Variants in MACF1 observed in about 807,000 individuals in gnomAD.
The protein encoded by MACF1 is microtubule actin crosslinking factor 1, also known as microtubule-actin cross-linking factor 1.
A neutral mutation model predicts 854.8 loss-of-function variants in MACF1; 193 were observed. That is an observed-to-expected ratio of 0.23 (90% CI 0.20 to 0.25). The LOEUF (loss-of-function observed/expected upper bound fraction) is 0.25. Among genes scored for constraint, MACF1 ranks in the 10% least tolerant of loss-of-function variants. MACF1 has a pLI of 1.00. For synonymous variants in MACF1, 3,185 were observed against 3,226.7 expected, an observed-to-expected ratio of 0.99 and a Z score of 0.44; for missense variants, 7,722 against 8,929.1, an observed-to-expected ratio of 0.86 and a Z score of 5.45.
intron 2 of MACF1, among the ~76,000 whole-genome samples, chr1:39,192,970 G>T (rs1467666389): frequency 6.6e-6 from 1 of 152,070 alleles, no homozygotes; most frequent in Non-Finnish European, 1.5e-5. Context: ...AAATTAGACG[G>T]GCATGGTGGC....
chr1:39,341,190 C>A (rs1646928678), intron 40 of MACF1, among the ~76,000 whole-genome samples: 1 of 151,538 alleles, frequency 6.6e-6, no homozygotes, highest in Admixed American at 6.6e-5. Flanking sequence ...CCTACCTCCA[C>A]GCCCGGCTCA....
intron 40 of MACF1, among the ~76,000 whole-genome samples, chr1:39,345,081 G>A (rs1009550930): frequency 3.3e-5 from 5 of 152,092 alleles, no homozygotes; most frequent in Non-Finnish European, 5.9e-5. Flanking sequence ...CTGTTCTGCA[G>A]GATTGACTAC....
chr1:39,348,975 A>C (rs1200778647), intron 41 of MACF1, among the ~76,000 whole-genome samples: 1 of 152,124 alleles, frequency 6.6e-6, no homozygotes, highest in South Asian at 2.1e-4. Context: ...GATTGATGAG[A>C]CATTTGATTT....
Position 39,303,218 on chromosome 1 carries a change from T to A in MACF1, c.2789+140T>A, listed in dbSNP as rs534688200. The A allele has an allele frequency of 3.3e-6, 3 of 899,428 alleles. No homozygotes were observed. In the Admixed American group the frequency reaches 8.6e-5, roughly 26 times the overall value. 55.7% of individuals were successfully genotyped at this position (899,428 alleles called of 1,614,324 possible). ...TGGGAGAGGCTTCTCATTGGAGATA[T>A]CAAGTCTCCTACTACCAGCCACATA... On this transcript the variant is annotated intron_variant, in intron 23 of 100. Transcript: ENST00000564288.
intron 95 of MACF1, 48 bp downstream of exon 95, chr1:39,465,160 G>A: frequency 6.3e-7 from 1 of 1,580,084 alleles, no homozygotes; most frequent in East Asian, 2.2e-5. Flanking sequence ...TATGGTCTGT[G>A]TAGCTAATGC....
chr1:39,099,353 C>T (rs1186591205), intron 2 of MACF1, among the ~76,000 whole-genome samples: 1 of 152,206 alleles, frequency 6.6e-6, no homozygotes, highest in African/African-American at 2.4e-5. Flanking sequence ...GACGCGGTTT[C>T]ACCATATTGG....
chr1:39,343,098 TAAGAG>T (rs1321301683), intron 40 of MACF1, among the ~76,000 whole-genome samples: 2 of 152,116 alleles, frequency 1.3e-5, no homozygotes, highest in African/African-American at 2.4e-5. Context: ...TATTAGTCAA[TAAGAG>T]AAAAGACCAT....
At position 39,453,833 on chromosome 1, in the gene MACF1, C is replaced by A. The variant is rs767194617; in HGVS notation, c.20869C>A (p.Arg6957=). 3 of 1,614,068 alleles carry A rather than the reference C, an allele frequency of 1.9e-6. No individual in the cohort carries two copies. The African/African-American group carries it at 4.0e-5, about 22-fold the overall frequency. The change falls in exon 88 of 101, where the codon CGA becomes AGA. Residue 6957 remains arginine, a synonymous_variant. Transcript: ENST00000564288. The part of the protein sequence containing the change: ...TTIKHWITII[R]ARFEEVLTWA... Reference sequence around the variant, plus strand: ...CATCAAACACTGGATCACCATCATCCGAGCTCGCTTCGAGGAGGTGAGTCC... The same window carrying A: ...CATCAAACACTGGATCACCATCATCAGAGCTCGCTTCGAGGAGGTGAGTCC...
intron 18 of MACF1, 22 bp downstream of exon 18, chr1:39,293,641 G>T (rs141520393): frequency 3.7e-6 from 6 of 1,600,666 alleles, no homozygotes; most frequent in South Asian, 2.2e-5. Context: ...ACAGTAGCAG[G>T]CCTGTCATAC....
chr1:39,098,759 G>C (rs996963399), intron 2 of MACF1, among the ~76,000 whole-genome samples: 2 of 152,192 alleles, frequency 1.3e-5, no homozygotes, highest in African/African-American at 4.8e-5. Flanking sequence ...CTGGTGGCAG[G>C]GATCTTGTCT....
chr1:39,102,635 G>A (rs1445855345), intron 2 of MACF1: 1 of 629,970 alleles, frequency 1.6e-6, no homozygotes, highest in East Asian at 2.7e-5. Flanking sequence ...ATTTGATGAG[G>A]CTTTAATTGG....
chr1:39,434,641 C>T lies in MACF1; in HGVS notation c.17784+9C>T, dbSNP rs773603120. ...AACAAGAGGAAATGAGGGTAAGGAG[C>T]ATGCCAAGTTTCATTTTATTGTTCT... On this transcript the variant is annotated intron_variant, in intron 69 of 100. Transcript: ENST00000564288. 2.5e-6 allele frequency: 4 copies of T among 1,609,644 alleles called. No homozygotes were observed. The East Asian group carries it at 8.9e-5, about 36-fold the overall frequency.
chr1:39,475,574 C>A (rs1016358653), intron 97 of MACF1, among the ~76,000 whole-genome samples: 5 of 151,828 alleles, frequency 3.3e-5, no homozygotes, highest in African/African-American at 1.2e-4. Context: ...GCTACAGTTA[C>A]CCAGTGGGGA....
At chr1:39,381,875 A>G in intron 55 of MACF1, 78 bp from the exon 56 acceptor site, 1 of 974,248 alleles carries the variant, frequency 1.0e-6, no homozygotes, top group East Asian at 2.4e-5. Context: ...TTCCTGCAGT[A>G]TATTAGGAAC....
chr1:39,436,184 A>G (rs938041101), intron 70 of MACF1, among the ~76,000 whole-genome samples: 7 of 152,238 alleles, frequency 4.6e-5, no homozygotes, highest in Admixed American at 6.5e-5. Flanking sequence ...TGCTTGAGTA[A>G]GGAGTAGTAA....
intron 74 of MACF1, 70 bp from the exon 75 acceptor site, chr1:39,441,882 C>G: frequency 1.6e-5 from 18 of 1,116,668 alleles, no homozygotes; most frequent in Non-Finnish European, 2.2e-5. Context: ...CTTATGTTAG[C>G]AGAGATAATG....
Position 39,291,894 on chromosome 1 carries a change from A to G in MACF1, c.1786-16A>G. 1 of 1,609,514 alleles carries G rather than the reference A, an allele frequency of 6.2e-7. No homozygotes were observed. The highest frequency in any genetic ancestry group is 1.1e-5 in the South Asian group (1 of 90,822). On this transcript the variant is annotated splice_polypyrimidine_tract_variant and intron_variant, in intron 15 of 100. Coordinates refer to ENST00000564288, the MANE Select transcript of MACF1 (RefSeq NM_001394062.1). ...CAGCAGTAAATTATGTCATATATAT[A>G]TTTTTTCTTTTTCAGATGAAACTGG... is the stretch of plus-strand genomic sequence containing the variant.
At chr1:39,361,770 A>G (rs547553135) in intron 49 of MACF1, 93 bp downstream of exon 49, 3 of 1,192,386 alleles carry the variant, frequency 2.5e-6, no homozygotes, top group African/African-American at 1.5e-5. Context: ...ATCAGTCAGT[A>G]TACTGGAAAC....
Position 39,247,713 on chromosome 1 carries a change from G to A in MACF1, c.172-2301G>A, listed in dbSNP as rs369834638. 3.3e-5 allele frequency among the ~76,000 whole-genome samples: 5 copies of A among 152,256 alleles called. 1 individual carries two copies. Among genetic ancestry groups the A allele is most frequent in the Admixed American group, 2.6e-4 (4 of 15,288 alleles). On this transcript the variant is annotated intron_variant, in intron 2 of 100. Coordinates refer to ENST00000564288, the MANE Select transcript of MACF1 (RefSeq NM_001394062.1). Reference sequence around the variant, plus strand: ...TTGTTTAGACTTAAGAAAGTGATGGGGAAAATGTTAATATTGCAGATTAAA... The same window carrying A: ...TTGTTTAGACTTAAGAAAGTGATGGAGAAAATGTTAATATTGCAGATTAAA...
Sources: gnomAD v4.1 joint callset for allele counts (sites outside exome capture counted in the v4.1 genomes callset) on GRCh38, gnomAD v4.1.1 for gene constraint, MANE v1.5 for transcripts, NCBI Gene and HGNC (gene_info 2026-07-23, HGNC 2026-07-21) for gene names.